MSRA: variants seen among roughly 807,000 people sequenced by gnomAD.
MSRA encodes mitochondrial peptide methionine sulfoxide reductase.
A neutral mutation model predicts 31.3 loss-of-function variants in MSRA; 54 were observed. The observed-to-expected ratio is 1.73, with a 90% CI of 1.39 to 2.17. MSRA has a LOEUF of 2.17. Among genes scored for constraint, MSRA ranks in the 30% most tolerant of loss-of-function variants. MSRA has a pLI of 0.00. For missense variants in MSRA, 507 were observed against 300.9 expected (o/e 1.69, Z -5.07); for synonymous variants, 169 against 116.5 (o/e 1.45, Z -2.90).
chr8:10,095,733 A>G, intron 1 of MSRA: 1 of 1,101,054 alleles, frequency 9.1e-7, no homozygotes, highest in Non-Finnish European at 1.1e-6. Context: ...TTTCAAACTT[A>G]GAAGGCTTTT....
chr8:10,273,039 C>T (rs555347747), intron 3 of MSRA, among the ~76,000 whole-genome samples: 16 of 152,036 alleles, frequency 1.1e-4, no homozygotes, highest in African/African-American at 3.6e-4. Context: ...AAAAGTAGAC[C>T]GTGTAACAGC....
At chr8:10,092,527 G>A (rs143276529) in intron 1 of MSRA, among the ~76,000 whole-genome samples, 2,282 of 152,154 alleles carry the variant, frequency 0.015, 23 homozygotes, top group Middle Eastern at 0.024. Context: ...GCATGGTGGC[G>A]CACGCCTTTA....
In MSRA at chr8:10,262,825, G is replaced by A. The variant is rs940294547; in HGVS notation, c.331+17602G>A. 3.3e-5 allele frequency among the ~76,000 whole-genome samples: 5 copies of A among 152,200 alleles called. No homozygotes were observed. In the East Asian group the frequency reaches 9.6e-4, roughly 29 times the overall value. Reference sequence around the variant, plus strand: ...AGAAAGTCAGGTTGGACTGTTGCATGCCCGAATGTTGGCACTCACACCTTT... The same window carrying A: ...AGAAAGTCAGGTTGGACTGTTGCATACCCGAATGTTGGCACTCACACCTTT... On this transcript the variant is annotated intron_variant, in intron 3 of 5. Coordinates refer to ENST00000317173, the MANE Select transcript of MSRA (RefSeq NM_012331.5).
chr8:10,148,788 T>TGA (rs1294857454), intron 1 of MSRA, among the ~76,000 whole-genome samples: 2 of 132,552 alleles, frequency 1.5e-5, no homozygotes, highest in African/African-American at 2.9e-5. Context: ...GGTGAAAGAG[T>TGA]GAGACCCTGT....
rs374345620 is a variant in MSRA at position 10,145,827 on chromosome 8, C to CGTGT, written c.143-61993_143-61990dup. ...AGATGTACATACACCCGCATCTGCA[C>CGTGT]GTGTGTGTGTGTGTGTAATGATTTT... On this transcript the variant is annotated intron_variant, in intron 1 of 5. Coordinates refer to ENST00000317173, the MANE Select transcript of MSRA (RefSeq NM_012331.5). Among the ~76,000 whole-genome samples the CGTGT allele has an allele frequency of 5.3e-5, 8 of 151,326 alleles. No individual in the cohort carries two copies. The East Asian group carries it at 5.8e-4, about 11-fold the overall frequency.
intron 3 of MSRA, among the ~76,000 whole-genome samples, chr8:10,273,265 C>T (rs538421914): frequency 1.3e-5 from 2 of 152,116 alleles, no homozygotes; most frequent in Non-Finnish European, 2.9e-5. Context: ...ACCTTAAAAC[C>T]TGCTCCCCAG....
At chr8:10,151,238 G>T (rs1338444990) in intron 1 of MSRA, among the ~76,000 whole-genome samples, 3 of 146,890 alleles carry the variant, frequency 2.0e-5, no homozygotes, top group Admixed American at 6.8e-5. Context: ...TTCCAGCCTG[G>T]GTGACAGAGC....
chr8:10,316,007 T>G (rs1170807826), intron 4 of MSRA, among the ~76,000 whole-genome samples: 3 of 152,238 alleles, frequency 2.0e-5, no homozygotes, highest in Non-Finnish European at 2.9e-5. Flanking sequence ...GTGTACTCCT[T>G]ACTGAAAATC....
intron 5 of MSRA, among the ~76,000 whole-genome samples, chr8:10,413,661 T>TG (rs1554556276): frequency 7.3e-6 from 1 of 137,500 alleles, no homozygotes; most frequent in African/African-American, 2.7e-5. Flanking sequence ...AGAGAGATAT[T>TG]AAAAAAAAAA....
Position 10,219,172 on chromosome 8 carries a change from C to G in MSRA, c.211+11271C>G, listed in dbSNP as rs182221034. Reference sequence around the variant, plus strand: ...GAGAAGCAGTCAAGAAATTACAAAGCCTGCTCAGGGATGCTGCCCATAGCG... The same window carrying G: ...GAGAAGCAGTCAAGAAATTACAAAGGCTGCTCAGGGATGCTGCCCATAGCG... On this transcript the variant is annotated intron_variant, in intron 2 of 5. Transcript: ENST00000317173. Among the ~76,000 whole-genome samples the G allele has an allele frequency of 1.1e-3, 166 of 152,304 alleles. 2 individuals are homozygous for G. The highest frequency in any genetic ancestry group is 3.9e-3 in the African/African-American group (161 of 41,572).
Position 10,054,535 on chromosome 8 carries a change from A to T in MSRA, c.19A>T (p.Arg7Trp). Residue 7 changes from arginine to tryptophan, a missense_variant, in exon 1 of 6, where the codon AGG (arginine) becomes TGG (tryptophan). Transcript: ENST00000317173. MLSATR[R>W]ACQLLLLHSL... ...CCCTCCCATGCTCTCGGCCACCCGG[A>T]GGGCTTGCCAGCTCCTCCTCCTCCA... 6.3e-7 allele frequency: 1 copy of T among 1,584,736 alleles called. No individual in the cohort carries two copies. Among genetic ancestry groups the T allele is most frequent in the Non-Finnish European group, 8.6e-7 (1 of 1,166,092 alleles).
At position 10,315,761 on chromosome 8, in the gene MSRA, A is replaced by G. The variant is rs150976546; in HGVS notation, c.437-4122A>G. On this transcript the variant is annotated intron_variant, in intron 4 of 5. Coordinates refer to ENST00000317173, the MANE Select transcript of MSRA (RefSeq NM_012331.5). Reference sequence around the variant, plus strand: ...GCAATGATGACCTAAAAATTTTACTATTTTGAACGTTTTCTAATATTTTCA... The same window carrying G: ...GCAATGATGACCTAAAAATTTTACTGTTTTGAACGTTTTCTAATATTTTCA... Among the ~76,000 whole-genome samples, 99 of 152,358 alleles carry G rather than the reference A, an allele frequency of 6.5e-4. 1 individual carries two copies. The East Asian group carries it at 0.014, about 22-fold the overall frequency.
chr8:10,305,919 A>G (rs1287854199), intron 4 of MSRA, among the ~76,000 whole-genome samples: 1 of 152,246 alleles, frequency 6.6e-6, no homozygotes, highest in Non-Finnish European at 1.5e-5. Flanking sequence ...TAAGTGGAAT[A>G]GTCTTTTCTT....
chr8:10,333,493 G>A (rs372629750), intron 5 of MSRA, among the ~76,000 whole-genome samples: 5 of 152,278 alleles, frequency 3.3e-5, no homozygotes, highest in Non-Finnish European at 5.9e-5. Context: ...GGAGGTCCCC[G>A]ATGACTTGGG....
intron 2 of MSRA, among the ~76,000 whole-genome samples, chr8:10,226,878 C>T (rs4541928): frequency 0.96 from 145,427 of 152,232 alleles, 69,679 homozygotes; most frequent in Non-Finnish European, 0.99. Flanking sequence ...TTTGATTCTT[C>T]TGGACCGTGG....
chr8:10,095,272 C>G lies in MSRA; in HGVS notation c.142+40614C>G, dbSNP rs117587199. 2.0e-5 allele frequency among the ~76,000 whole-genome samples: 3 copies of G among 152,248 alleles called. No homozygotes were observed. In the East Asian group the frequency reaches 5.8e-4, roughly 29 times the overall value. ...TATGGACATTTCTAGGGAACAGATT[C>G]CTTATTGCTGAGCAGTGAATGGCTT... On this transcript the variant is annotated intron_variant, in intron 1 of 5. Transcript: ENST00000317173.
chr8:10,128,377 T>C (rs1801652292), intron 1 of MSRA, among the ~76,000 whole-genome samples: 1 of 150,632 alleles, frequency 6.6e-6, no homozygotes, highest in South Asian at 2.1e-4. Flanking sequence ...AAAACTCTTG[T>C]CTCAAAAAAA....
intron 5 of MSRA, among the ~76,000 whole-genome samples, chr8:10,345,710 G>A (rs754794915): frequency 5.9e-5 from 9 of 152,290 alleles, no homozygotes; most frequent in South Asian, 4.1e-4. Flanking sequence ...TGAGAAGTGC[G>A]TTATTCGGGT....
intron 1 of MSRA, among the ~76,000 whole-genome samples, chr8:10,207,091 A>G (rs1470081916): frequency 6.6e-6 from 1 of 152,252 alleles, no homozygotes; most frequent in Admixed American, 6.5e-5. Context: ...GAAAATGCTC[A>G]TAGATGGGGA....
Sources: allele counts gnomAD v4.1 joint callset (sites outside exome capture counted in the v4.1 genomes callset), GRCh38; gene constraint gnomAD v4.1.1; transcripts MANE v1.5; gene names NCBI Gene and HGNC (gene_info 2026-07-23, HGNC 2026-07-21).